Variants in RIPOR3 observed in about 807,000 individuals in gnomAD.
RIPOR3 encodes the protein RIPOR family member 3, also known as family with sequence similarity 65 member C.
In RIPOR3, 95 loss-of-function variants were observed where a neutral mutation model predicts 114.3. That is an observed-to-expected ratio of 0.83 (90% CI 0.70 to 0.99). RIPOR3 has a LOEUF of 0.99. Ranked by LOEUF, RIPOR3 falls within the 50% of genes least tolerant of loss-of-function variation. The probability of loss-of-function intolerance (pLI) is 0.00; values close to 1 mark genes in which losing one functional copy is unlikely to be tolerated. For synonymous variants in RIPOR3, 575 were observed against 543.8 expected (o/e 1.06, Z -0.80); for missense variants, 1,252 against 1,266.9 (o/e 0.99, Z 0.18).
intron 1 of RIPOR3, among the ~76,000 whole-genome samples, chr20:50,633,262 AAAAAAAC>A (rs1055775538): frequency 7.2e-5 from 11 of 151,912 alleles, no homozygotes; most frequent in African/African-American, 1.9e-4. Flanking sequence ...ACTCTGACTA[AAAAAAAC>A]AAAAAACAAA....
intron 1 of RIPOR3, among the ~76,000 whole-genome samples, chr20:50,661,556 CAA>C: frequency 6.6e-6 from 1 of 152,170 alleles, no homozygotes; most frequent in East Asian, 1.9e-4. Flanking sequence ...CTGCAAGTCC[CAA>C]GTGACAAGTT....
At position 50,647,618 on chromosome 20, in the gene RIPOR3, G is replaced by A. The variant is rs537433910; in HGVS notation, c.4-16762C>T. On this transcript the variant is annotated intron_variant, in intron 1 of 21. Coordinates refer to ENST00000327979, the MANE Select transcript of RIPOR3 (RefSeq NM_001290268.2). Reference sequence around the variant, plus strand: ...CTGCCTCAGCCTCCCAAGTAGCTGGGACTACAGGCGCCCGCTACCATGCCC... The same window carrying A: ...CTGCCTCAGCCTCCCAAGTAGCTGGAACTACAGGCGCCCGCTACCATGCCC... Among the ~76,000 whole-genome samples, 281 of 151,654 alleles carry A rather than the reference G, an allele frequency of 1.9e-3. 2 individuals carry two copies. Among genetic ancestry groups the A allele is most frequent in the African/African-American group, 6.7e-3 (278 of 41,390 alleles).
At chr20:50,611,363 G>A (rs1471153851) in intron 4 of RIPOR3, among the ~76,000 whole-genome samples, 159 bp from the exon 5 acceptor site, 2 of 152,220 alleles carry the variant, frequency 1.3e-5, no homozygotes, top group Non-Finnish European at 1.5e-5. Flanking sequence ...GCCAACGGCA[G>A]ACTGCTGTCC....
intron 1 of RIPOR3, among the ~76,000 whole-genome samples, chr20:50,637,768 A>G (rs1245859526): frequency 3.9e-5 from 6 of 152,114 alleles, no homozygotes; most frequent in Non-Finnish European, 8.8e-5. Flanking sequence ...CCAGCTACTC[A>G]GGAGGCTGAA....
rs538542497 is a variant in RIPOR3 at position 50,641,464 on chromosome 20, C to G, written c.4-10608G>C. 2.0e-5 allele frequency among the ~76,000 whole-genome samples: 3 copies of G among 152,318 alleles called. No individual in the cohort carries two copies. The South Asian group carries it at 6.2e-4, about 32-fold the overall frequency. On this transcript the variant is annotated intron_variant, in intron 1 of 21. Transcript: ENST00000327979. ...GTGGTGTGATCATAGCTCACTGCAG[C>G]CTCCAACTCCTGGACTGAAGCAGTC...
At chr20:50,636,272 G>T (rs996724872) in intron 1 of RIPOR3, among the ~76,000 whole-genome samples, 2 of 152,270 alleles carry the variant, frequency 1.3e-5, no homozygotes, top group African/African-American at 4.8e-5. Flanking sequence ...GACCAAGGGT[G>T]ACATTCCTGA....
intron 13 of RIPOR3, among the ~76,000 whole-genome samples, chr20:50,598,658 T>C (rs1057169266): frequency 2.0e-5 from 3 of 152,124 alleles, no homozygotes; most frequent in African/African-American, 7.2e-5. Flanking sequence ...AAGGTAGTTA[T>C]GTTCTAGAGG....
chr20:50,593,275 G>C, intron 17 of RIPOR3, 79 bp from the exon 18 acceptor site: 2 of 1,504,142 alleles, frequency 1.3e-6, no homozygotes, highest in South Asian at 2.5e-5. Context: ...AGCCTGGTCA[G>C]CTAAAAGGCT....
chr20:50,609,841 C>A (rs2083886545), intron 6 of RIPOR3, 119 bp from the exon 7 acceptor site: 1 of 1,178,188 alleles, frequency 8.5e-7, no homozygotes, highest in Non-Finnish European at 1.1e-6. Flanking sequence ...GCTAGCCCAG[C>A]CCATGGTGAC....
chr20:50,589,084 GAAAA>G (rs529410533), intron 20 of RIPOR3, among the ~76,000 whole-genome samples: 12 of 89,538 alleles, frequency 1.3e-4, no homozygotes, highest in African/African-American at 5.0e-4. Context: ...TCCATCTCAA[GAAAA>G]AAAAAAAAAA....
intron 1 of RIPOR3, among the ~76,000 whole-genome samples, chr20:50,643,875 G>T (rs1031566209): frequency 1.3e-5 from 2 of 151,778 alleles, no homozygotes; most frequent in Non-Finnish European, 2.9e-5. Context: ...CACTGTGCCC[G>T]GCTAATTTTT....
intron 1 of RIPOR3, among the ~76,000 whole-genome samples, chr20:50,652,644 A>G (rs1289415134): frequency 1.3e-5 from 2 of 152,006 alleles, no homozygotes. Context: ...AAAGAAAAGA[A>G]AAGAAAAAAG....
intron 2 of RIPOR3, among the ~76,000 whole-genome samples, chr20:50,623,273 A>G (rs57674773): frequency 1.8e-4 from 26 of 145,948 alleles, no homozygotes; most frequent in East Asian, 5.8e-4. Context: ...AAAAAAAAAA[A>G]AAAAAAGAAA....
chr20:50,609,462 T>C lies in RIPOR3; in HGVS notation c.577-106A>G, dbSNP rs1027756171. 13 of 1,490,956 alleles carry C rather than the reference T, an allele frequency of 8.7e-6. No homozygotes were observed. In the South Asian group the frequency reaches 9.2e-5, roughly 11 times the overall value. 92.4% of individuals were successfully genotyped at this position (1,490,956 alleles called of 1,614,324 possible). ...AGGCCACAGGCAGAGAGACGCCTCC[T>C]TGGGGCCCAGAACACCTCCTCCAGC... On this transcript the variant is annotated intron_variant, in intron 7 of 21. Transcript: ENST00000327979.
intron 1 of RIPOR3, among the ~76,000 whole-genome samples, chr20:50,670,380 C>T (rs2086430320): frequency 7.2e-6 from 1 of 139,842 alleles, no homozygotes; most frequent in African/African-American, 2.6e-5. Context: ...CCCACCCACC[C>T]ACCCAGTGCC....
chr20:50,587,036 T>C lies in RIPOR3; in HGVS notation c.*196A>G, dbSNP rs1601423752. 3.4e-6 allele frequency: 2 copies of C among 580,516 alleles called. No homozygotes were observed. The highest frequency in any genetic ancestry group is 5.7e-5 in the East Asian group (2 of 35,256). 36.0% of individuals were successfully genotyped at this position (580,516 alleles called of 1,614,324 possible). A position where few individuals can be genotyped will look rare whatever the true frequency, so the allele number is the denominator to read the frequency against. ...CCCCTGGAATGCTGTACCTTTGCCT[T>C]GCTTTTTTCTGCCTCTGTACAAAAG... On this transcript the variant is annotated 3_prime_UTR_variant, in exon 22 of 22. Coordinates refer to ENST00000327979, the MANE Select transcript of RIPOR3 (RefSeq NM_001290268.2).
intron 2 of RIPOR3, among the ~76,000 whole-genome samples, chr20:50,622,773 T>C (rs2084465968): frequency 1.3e-5 from 2 of 152,184 alleles, no homozygotes; most frequent in Non-Finnish European, 2.9e-5. Context: ...ACTTCACCTC[T>C]ACATTAACAA....
intron 1 of RIPOR3, among the ~76,000 whole-genome samples, chr20:50,640,077 A>G (rs1485671025): frequency 9.2e-5 from 14 of 151,870 alleles, no homozygotes; most frequent in African/African-American, 2.9e-4. Flanking sequence ...TGAAGACACT[A>G]TGGTATTTGG....
chr20:50,610,180 C>T (rs1056399300), intron 6 of RIPOR3, among the ~76,000 whole-genome samples: 2 of 133,584 alleles, frequency 1.5e-5, no homozygotes, highest in Non-Finnish European at 3.5e-5. Context: ...TCTCACCTGC[C>T]TCTCCTGCCT....
Sources: allele counts gnomAD v4.1 joint callset (sites outside exome capture counted in the v4.1 genomes callset), GRCh38; gene constraint gnomAD v4.1.1; transcripts MANE v1.5; gene names NCBI Gene and HGNC (gene_info 2026-07-23, HGNC 2026-07-21).